Variants in FRAS1 observed in about 807,000 individuals in gnomAD.
The protein encoded by FRAS1 is Fraser extracellular matrix complex subunit 1.
In FRAS1, 290 loss-of-function variants were observed where a neutral mutation model predicts 435.2. The observed-to-expected ratio is 0.67, with a 90% confidence interval of 0.61 to 0.73. The LOEUF is 0.73. FRAS1 is among the 30% of genes least tolerant of loss of function. FRAS1 has a pLI of 0.00. For missense variants in FRAS1, 4,860 were observed against 5,001.5 expected, an observed-to-expected ratio of 0.97 and a Z score of 0.85; for synonymous variants, 1,800 against 1,851.0, an observed-to-expected ratio of 0.97 and a Z score of 0.71.
intron 2 of FRAS1, among the ~76,000 whole-genome samples, chr4:78,188,326 CT>C (rs1722376081): frequency 7.9e-6 from 1 of 126,368 alleles, no homozygotes; most frequent in Non-Finnish European, 1.7e-5. Flanking sequence ...TCTAATCTAT[CT>C]ATCTATATTT....
At position 78,430,334 on chromosome 4, in the gene FRAS1, A is replaced by C. The variant is rs2110386924; in HGVS notation, c.4886A>C (p.Glu1629Ala). 6.2e-7 allele frequency: 1 copy of C among 1,613,794 alleles called. No homozygotes were observed. The highest frequency in any genetic ancestry group is 2.2e-5 in the East Asian group (1 of 44,854). ...VVRDAETAPKELFFELRRPPQ... is the reference protein window; with the variant it reads ...VVRDAETAPKALFFELRRPPQ... ...AGAGATGCTGAGACAGCGCCCAAAG[A>C]ACTCTTCTTTGAGCTTCGGAGACCT... The change falls in exon 37 of 74, where the codon GAA becomes GCA. Residue 1629 changes from glutamate to alanine, a missense_variant. Transcript: ENST00000512123.
At chr4:78,194,518 C>T (rs1023274744) in intron 2 of FRAS1, among the ~76,000 whole-genome samples, 2 of 152,310 alleles carry the variant, frequency 1.3e-5, no homozygotes, top group African/African-American at 4.8e-5. Flanking sequence ...TCATTTCATT[C>T]ATTTGATCTT....
chr4:78,169,076 C>T (rs149786808), intron 2 of FRAS1, among the ~76,000 whole-genome samples: 3 of 152,116 alleles, frequency 2.0e-5, no homozygotes, highest in South Asian at 2.1e-4. Flanking sequence ...TCCAACCAGC[C>T]GAACAAGGGG....
intron 66 of FRAS1, among the ~76,000 whole-genome samples, chr4:78,517,764 T>C (rs1245563079): frequency 1.3e-5 from 2 of 152,144 alleles, no homozygotes; most frequent in African/African-American, 2.4e-5. Context: ...TTTTAAAGAT[T>C]AGTGAGTAAT....
intron 53 of FRAS1, among the ~76,000 whole-genome samples, chr4:78,474,425 A>T (rs1719801838): frequency 6.6e-6 from 1 of 152,206 alleles, no homozygotes; most frequent in South Asian, 2.1e-4. Context: ...AACTTGGGGG[A>T]AAAAAGGAAG....
intron 35 of FRAS1, among the ~76,000 whole-genome samples, chr4:78,428,512 A>G (rs1028191424): frequency 2.0e-5 from 3 of 151,854 alleles, no homozygotes; most frequent in Non-Finnish European, 4.4e-5. Flanking sequence ...TTTAGTAGAG[A>G]TGGGGTTTCA....
chr4:78,206,957 CT>C (rs1258455332), intron 2 of FRAS1, among the ~76,000 whole-genome samples: 2 of 152,194 alleles, frequency 1.3e-5, no homozygotes, highest in African/African-American at 4.8e-5. Context: ...AAGATTCTGG[CT>C]GGGGGCAATA....
At chr4:78,089,687 A>T (rs1578116291) in intron 2 of FRAS1, among the ~76,000 whole-genome samples, 1 of 152,316 alleles carries the variant, frequency 6.6e-6, no homozygotes, top group South Asian at 2.1e-4. Flanking sequence ...CTTCTTTTAA[A>T]GGAATAGAAA....
chr4:78,061,221 A>G lies in FRAS1; in HGVS notation c.76+3136A>G, dbSNP rs1739747370. On this transcript the variant is annotated intron_variant, in intron 1 of 73. Transcript: ENST00000512123. The stretch of plus-strand genomic sequence containing the variant: ...CAAATTATTGGCAGTGTTATTTTAT[A>G]TGGCCTTATATTGCTAAACTGGTAA... 2.6e-5 allele frequency among the ~76,000 whole-genome samples: 4 copies of G among 152,232 alleles called. No individual in the cohort carries two copies. In the South Asian group the frequency reaches 6.2e-4, roughly 24 times the overall value.
At chr4:78,165,155 A>G (rs755755199) in intron 2 of FRAS1, among the ~76,000 whole-genome samples, 5 of 152,216 alleles carry the variant, frequency 3.3e-5, no homozygotes, top group Non-Finnish European at 7.3e-5. Flanking sequence ...AGCTAAAGGT[A>G]TGATAGAGCT....
At chr4:78,137,481 A>T (rs927659063) in intron 2 of FRAS1, among the ~76,000 whole-genome samples, 5 of 152,164 alleles carry the variant, frequency 3.3e-5, no homozygotes, top group Admixed American at 6.5e-5. Context: ...TTTATTTTTT[A>T]AAAAATGCCA....
At chr4:78,429,304 G>A in intron 36 of FRAS1, 78 bp downstream of exon 36, 5 of 1,480,532 alleles carry the variant, frequency 3.4e-6, no homozygotes, top group Non-Finnish European at 4.5e-6. Context: ...CCTCTTGATG[G>A]TTGCCAAAAA....
intron 3 of FRAS1, among the ~76,000 whole-genome samples, chr4:78,244,431 A>T (rs1328126813): frequency 6.6e-6 from 1 of 152,150 alleles, no homozygotes; most frequent in Non-Finnish European, 1.5e-5. Context: ...GGCTTGAGAA[A>T]ATCCTAAGTA....
intron 2 of FRAS1, among the ~76,000 whole-genome samples, chr4:78,133,887 C>T (rs1466344526): frequency 1.3e-5 from 2 of 151,482 alleles, no homozygotes; most frequent in African/African-American, 4.9e-5. Flanking sequence ...AAACATTTTA[C>T]TTGACTGTGA....
intron 20 of FRAS1, among the ~76,000 whole-genome samples, chr4:78,346,741 C>T (rs1012738303): frequency 2.0e-5 from 3 of 152,022 alleles, no homozygotes; most frequent in African/African-American, 7.3e-5. Context: ...TCAAATCTTT[C>T]TCTTCTATTA....
intron 2 of FRAS1, among the ~76,000 whole-genome samples, chr4:78,116,738 TG>T (rs916375492): frequency 2.6e-5 from 4 of 152,328 alleles, no homozygotes; most frequent in African/African-American, 9.6e-5. Context: ...GCACGTGAGA[TG>T]GGTCACCTGA....
At chr4:78,217,656 G>A (rs918210862) in intron 2 of FRAS1, among the ~76,000 whole-genome samples, 2 of 151,982 alleles carry the variant, frequency 1.3e-5, no homozygotes, top group African/African-American at 4.8e-5. Context: ...ATCTGTTGTT[G>A]GCAGTTGTCG....
intron 2 of FRAS1, among the ~76,000 whole-genome samples, chr4:78,194,933 T>G (rs1722732176): frequency 6.6e-6 from 1 of 152,212 alleles, no homozygotes; most frequent in Non-Finnish European, 1.5e-5. Context: ...ATGGTGGTGA[T>G]GTACAGATGG....
At chr4:78,504,184 T>C (rs916333679) in intron 61 of FRAS1, among the ~76,000 whole-genome samples, 1 of 152,210 alleles carries the variant, frequency 6.6e-6, no homozygotes, top group East Asian at 1.9e-4. Context: ...GAGAAGAATG[T>C]ATATTCTGTT....
Sources: gnomAD v4.1 joint callset for allele counts (sites outside exome capture counted in the v4.1 genomes callset) on GRCh38, gnomAD v4.1.1 for gene constraint, MANE v1.5 for transcripts, NCBI Gene and HGNC (gene_info 2026-07-23, HGNC 2026-07-21) for gene names.